The following GRIK2 variants were observed in gnomAD, a reference collection of about 807,000 sequenced individuals.
GRIK2 encodes the protein glutamate receptor ionotropic, kainate 2.
GRIK2 carries 32 observed loss-of-function variants against 100.3 expected under a neutral mutation model. The observed-to-expected ratio is 0.32, with a 90% confidence interval of 0.24 to 0.43. The LOEUF (loss-of-function observed/expected upper bound fraction) is 0.43. Ranked by LOEUF, GRIK2 falls within the 20% of genes least tolerant of loss-of-function variation. GRIK2 has a pLI of 1.00. For synonymous variants in GRIK2, 417 were observed against 389.4 expected, an observed-to-expected ratio of 1.07 and a Z score of -0.83; for missense variants, 843 against 1,114.9, an observed-to-expected ratio of 0.76 and a Z score of 3.47.
intron 16 of GRIK2, chr6:102,064,053 G>A (rs921607252): frequency 1.7e-6 from 2 of 1,209,668 alleles, no homozygotes; most frequent in Admixed American, 1.8e-5. Context: ...ATAATGGTTA[G>A]TATCCTTGTG....
At chr6:101,408,155 G>C (rs887472374) in intron 2 of GRIK2, among the ~76,000 whole-genome samples, 4 of 152,140 alleles carry the variant, frequency 2.6e-5, no homozygotes, top group Admixed American at 1.3e-4. Context: ...GCTTGACATG[G>C]TGTGCAATAA....
At chr6:101,891,520 A>G in intron 12 of GRIK2, 1 of 335,936 alleles carries the variant, frequency 3.0e-6, no homozygotes, top group Non-Finnish European at 5.8e-6. Context: ...CCATCTCAAA[A>G]AAAAAAAAAA....
chr6:101,797,918 A>G (rs1181759602), intron 7 of GRIK2, among the ~76,000 whole-genome samples: 1 of 150,530 alleles, frequency 6.6e-6, no homozygotes, highest in Non-Finnish European at 1.5e-5. Flanking sequence ...ACACCATTTA[A>G]GATGTATTTA....
At chr6:101,852,749 C>T (rs2128440664) in intron 10 of GRIK2, among the ~76,000 whole-genome samples, 1 of 152,258 alleles carries the variant, frequency 6.6e-6, no homozygotes, top group South Asian at 2.1e-4. Flanking sequence ...AGTGAATACT[C>T]AGTACCAGAA....
intron 11 of GRIK2, among the ~76,000 whole-genome samples, chr6:101,866,790 A>G (rs1785075759): frequency 1.3e-5 from 2 of 151,904 alleles, no homozygotes; most frequent in African/African-American, 4.8e-5. Flanking sequence ...CCTTCTTTGA[A>G]TTCCCCATTT....
chr6:101,785,720 C>G (rs1437818634), intron 7 of GRIK2, among the ~76,000 whole-genome samples: 1 of 152,050 alleles, frequency 6.6e-6, no homozygotes. Context: ...GTTATTATAG[C>G]CTTGTAACAC....
At chr6:101,976,585 G>A (rs918067138) in intron 14 of GRIK2, among the ~76,000 whole-genome samples, 2 of 151,902 alleles carry the variant, frequency 1.3e-5, no homozygotes, top group African/African-American at 4.8e-5. Flanking sequence ...TATTTGGGAG[G>A]CTGAGGCAGG....
intron 7 of GRIK2, among the ~76,000 whole-genome samples, chr6:101,745,753 C>T (rs1003425724): frequency 8.5e-5 from 13 of 152,150 alleles, no homozygotes; most frequent in African/African-American, 2.9e-4. Context: ...TTAGATGTTT[C>T]CCAGTTTCTC....
In GRIK2 at chr6:101,425,508, G is replaced by A. The variant is rs115300724; in HGVS notation, c.115+26116G>A. ...ACACAACTGCTGATAGTATTTCAGCGTATTCCATTTCGTGTTTTTCCAAAA... is the reference window on the plus strand; with the variant it reads ...ACACAACTGCTGATAGTATTTCAGCATATTCCATTTCGTGTTTTTCCAAAA... On this transcript the variant is annotated intron_variant, in intron 2 of 16. Transcript: ENST00000369134. 8.1e-3 allele frequency among the ~76,000 whole-genome samples: 1,239 copies of A among 152,152 alleles called. 21 individuals are homozygous for A. Among genetic ancestry groups the A allele is most frequent in the African/African-American group, 0.027 (1,120 of 41,512 alleles).
intron 7 of GRIK2, among the ~76,000 whole-genome samples, chr6:101,774,093 T>C (rs1778582862): frequency 6.6e-6 from 1 of 152,166 alleles, no homozygotes; most frequent in Admixed American, 6.5e-5. Flanking sequence ...TATAATTTAA[T>C]TTTTAGGTTA....
intron 1 of GRIK2, among the ~76,000 whole-genome samples, chr6:101,395,337 TC>T (rs1460663826): frequency 1.3e-5 from 2 of 152,220 alleles, no homozygotes. Context: ...CAGCAGGACT[TC>T]CGTGACAAGT....
At chr6:101,425,407 T>C (rs1776650344) in intron 2 of GRIK2, among the ~76,000 whole-genome samples, 1 of 152,162 alleles carries the variant, frequency 6.6e-6, no homozygotes, top group African/African-American at 2.4e-5. Flanking sequence ...TATATTTTAT[T>C]ATATAATTTC....
At chr6:101,470,193 G>A (rs1289996267) in intron 2 of GRIK2, among the ~76,000 whole-genome samples, 5 of 152,046 alleles carry the variant, frequency 3.3e-5, no homozygotes, top group African/African-American at 9.7e-5. Flanking sequence ...TGGCTTCACC[G>A]GAACTGAAGC....
intron 2 of GRIK2, among the ~76,000 whole-genome samples, chr6:101,574,088 A>G (rs1448110097): frequency 6.6e-6 from 1 of 151,370 alleles, no homozygotes; most frequent in East Asian, 1.9e-4. Flanking sequence ...TGTATTTTCT[A>G]TTGAGATTAT....
At position 101,650,438 on chromosome 6, in the gene GRIK2, C is replaced by G. The variant is rs984126518; in HGVS notation, c.541+23801C>G. ...AGTTTAAGTCTCCAAATTCCCCTGT[C>G]AAAGAATACTCAGTCGACAAAGAGA... On this transcript the variant is annotated intron_variant, in intron 4 of 16. Transcript: ENST00000369134. Among the ~76,000 whole-genome samples, 7 of 152,164 alleles carry G rather than the reference C, an allele frequency of 4.6e-5. No homozygotes were observed. The East Asian group carries it at 1.4e-3, about 30-fold the overall frequency.
At chr6:101,502,799 A>G (rs1052588440) in intron 2 of GRIK2, among the ~76,000 whole-genome samples, 1 of 152,152 alleles carries the variant, frequency 6.6e-6, no homozygotes, top group African/African-American at 2.4e-5. Flanking sequence ...CTTACTTTCT[A>G]CTATTATTAA....
chr6:101,606,586 A>G (rs1017201065), intron 2 of GRIK2, among the ~76,000 whole-genome samples: 2 of 152,012 alleles, frequency 1.3e-5, no homozygotes, highest in Admixed American at 1.3e-4. Context: ...TAATAATAGC[A>G]GAAACAGGAC....
At position 102,069,748 on chromosome 6, in the gene GRIK2, G is replaced by A. The variant is rs1320272298; in HGVS notation, c.*1237G>A. The A allele has an allele frequency of 6.6e-6, 1 of 151,970 alleles. No individual in the cohort carries two copies. Among genetic ancestry groups the A allele is most frequent in the Non-Finnish European group, 1.5e-5 (1 of 67,954 alleles). 9.4% of individuals were successfully genotyped at this position (151,970 alleles called of 1,614,324 possible). ...CAACAAAACAAGAACATGTGTTCCT[G>A]TCAGGGGTGTGATGTCAAGCATGAA... is the stretch of plus-strand genomic sequence containing the variant. On this transcript the variant is annotated 3_prime_UTR_variant, in exon 17 of 17. Coordinates refer to ENST00000369134, the MANE Select transcript of GRIK2 (RefSeq NM_021956.5).
intron 14 of GRIK2, among the ~76,000 whole-genome samples, chr6:102,004,866 TTTTC>T (rs1554190283): frequency 9.2e-5 from 14 of 151,466 alleles, no homozygotes; most frequent in East Asian, 3.9e-4. Flanking sequence ...TGCATTTTTT[TTTTC>T]TTTCTTTCTT....
Sources: allele counts gnomAD v4.1 joint callset (sites outside exome capture counted in the v4.1 genomes callset), GRCh38; gene constraint gnomAD v4.1.1; transcripts MANE v1.5; gene names NCBI Gene and HGNC (gene_info 2026-07-23, HGNC 2026-07-21).